Variants in COX10 observed in about 807,000 individuals in gnomAD.
The protein encoded by COX10 is cytochrome c oxidase assembly factor heme A:farnesyltransferase COX10.
A neutral mutation model predicts 37.3 loss-of-function variants in COX10; 27 were observed. The ratio of observed to expected loss-of-function variants is 0.72; its 90% CI spans 0.53 to 1.00. The LOEUF is 1.00. COX10 is among the 50% of genes least tolerant of loss of function. The pLI, the probability that COX10 is intolerant of heterozygous loss-of-function variation, is 0.00. For synonymous variants in COX10, 222 were observed against 229.1 expected (o/e 0.97, Z 0.28); for missense variants, 475 against 563.2 (o/e 0.84, Z 1.59).
At chr17:14,093,568 T>A (rs1283081076) in intron 3 of COX10, among the ~76,000 whole-genome samples, 3 of 152,230 alleles carry the variant, frequency 2.0e-5, no homozygotes, top group Non-Finnish European at 2.9e-5. Context: ...GGGGCCTGGC[T>A]AAATTTGTAC....
chr17:14,074,216 T>G, intron 1 of COX10, 107 bp from the exon 2 acceptor site: 2 of 1,175,840 alleles, frequency 1.7e-6, no homozygotes, highest in Admixed American at 1.7e-5. Context: ...CATCACACAG[T>G]GTAGCGCTTA....
intron 1 of COX10, among the ~76,000 whole-genome samples, chr17:14,073,083 G>A (rs1034628809): frequency 1.3e-5 from 2 of 152,184 alleles, no homozygotes; most frequent in African/African-American, 2.4e-5. Flanking sequence ...GGTCATGGGC[G>A]ATGTTGCTTT....
intron 5 of COX10, among the ~76,000 whole-genome samples, chr17:14,185,511 A>T (rs1373393639): frequency 6.6e-6 from 1 of 152,132 alleles, no homozygotes; most frequent in Admixed American, 6.5e-5. Flanking sequence ...TAAAAGATAG[A>T]TCTCTTGATT....
chr17:14,188,132 C>A (rs1906092623), intron 5 of COX10, among the ~76,000 whole-genome samples: 3 of 128,390 alleles, frequency 2.3e-5, no homozygotes, highest in Non-Finnish European at 4.8e-5. Context: ...GACACAAGGG[C>A]CAATTCAGGA....
intron 5 of COX10, among the ~76,000 whole-genome samples, chr17:14,166,667 G>A (rs376997424): frequency 8.9e-6 from 1 of 112,372 alleles, no homozygotes; most frequent in Non-Finnish European, 1.9e-5. Context: ...GCTGGAGTAC[G>A]GTGGTGCGAT....
intron 4 of COX10, among the ~76,000 whole-genome samples, chr17:14,113,077 A>T (rs186754011): frequency 9.2e-5 from 14 of 152,214 alleles, no homozygotes; most frequent in East Asian, 5.8e-4. Flanking sequence ...TCTTCTCAAG[A>T]CCCATCTCCT....
At chr17:14,135,690 T>A (rs2142222251) in intron 4 of COX10, among the ~76,000 whole-genome samples, 1 of 152,096 alleles carries the variant, frequency 6.6e-6, no homozygotes, top group East Asian at 1.9e-4. Context: ...CAAAAATAAA[T>A]TTTTATTCAA....
chr17:14,202,596 A>C (rs555789081), intron 6 of COX10, among the ~76,000 whole-genome samples: 1 of 152,170 alleles, frequency 6.6e-6, no homozygotes, highest in Non-Finnish European at 1.5e-5. Context: ...TAAAAGCCAC[A>C]GGCATTTCAA....
At chr17:14,168,582 G>A (rs1196985743) in intron 5 of COX10, among the ~76,000 whole-genome samples, 1 of 152,230 alleles carries the variant, frequency 6.6e-6, no homozygotes, top group East Asian at 1.9e-4. Flanking sequence ...TGAAATCTAG[G>A]CAGAGGCTCC....
chr17:14,105,454 C>T (rs932507409), intron 4 of COX10, among the ~76,000 whole-genome samples: 6 of 152,124 alleles, frequency 3.9e-5, no homozygotes, highest in African/African-American at 7.2e-5. Context: ...ATGATCTTAA[C>T]AAAATAATTA....
intron 3 of COX10, among the ~76,000 whole-genome samples, chr17:14,084,753 C>T (rs546678892): frequency 4.9e-4 from 75 of 152,214 alleles, no homozygotes; most frequent in African/African-American, 1.5e-3. Flanking sequence ...CTCCGCCTCC[C>T]GGGTTCAAGC....
At chr17:14,076,644 TA>T in intron 2 of COX10, 90 bp from the exon 3 acceptor site, 1 of 1,217,720 alleles carries the variant, frequency 8.2e-7, no homozygotes, top group Non-Finnish European at 1.2e-6. Context: ...TCAAATAATG[TA>T]AAAGCTGGTC....
chr17:14,102,930 C>T (rs886233240), intron 4 of COX10, among the ~76,000 whole-genome samples: 1 of 152,084 alleles, frequency 6.6e-6, no homozygotes, highest in African/African-American at 2.4e-5. Context: ...GGAGTTGGCT[C>T]AGTTTTAAAA....
At chr17:14,151,515 A>T (rs1317010304) in intron 4 of COX10, among the ~76,000 whole-genome samples, 1 of 137,836 alleles carries the variant, frequency 7.3e-6, no homozygotes, top group Non-Finnish European at 1.5e-5. Flanking sequence ...ATGCATTAGA[A>T]TTCCTGAACT....
chr17:14,102,076 TC>T, intron 3 of COX10, 41 bp from the exon 4 acceptor site: 1 of 1,613,286 alleles, frequency 6.2e-7, no homozygotes, highest in Non-Finnish European at 8.5e-7. Flanking sequence ...CAGTTGGGAC[TC>T]CTGTTGGTAA....
rs1597551986 is a variant in COX10 at position 14,206,866 on chromosome 17, C to T, written c.985C>T (p.Leu329=). Residue 329 remains leucine (L), a synonymous_variant, in exon 7 of 7, where the codon CTG becomes TTG. Coordinates refer to ENST00000261643, the MANE Select transcript of COX10 (RefSeq NM_001303.4). ...YSWQFPHFNA[L]SWGLREDYSR... is the part of the protein sequence containing the mutation. ...CTGGCAGTTTCCTCATTTCAACGCC[C>T]TGAGCTGGGGCCTCCGTGAAGACTA... 2 of 1,614,134 alleles carry T rather than the reference C, an allele frequency of 1.2e-6. No individual in the cohort carries two copies. Among genetic ancestry groups the T allele is most frequent in the Non-Finnish European group, 1.7e-6 (2 of 1,180,018 alleles).
chr17:14,168,469 A>G (rs1260913530), intron 5 of COX10, among the ~76,000 whole-genome samples: 3 of 152,136 alleles, frequency 2.0e-5, no homozygotes, highest in Non-Finnish European at 4.4e-5. Flanking sequence ...GGGACTCTAT[A>G]TGGGGGCTCC....
At chr17:14,094,134 C>T (rs1050375575) in intron 3 of COX10, among the ~76,000 whole-genome samples, 3 of 152,144 alleles carry the variant, frequency 2.0e-5, no homozygotes, top group African/African-American at 7.2e-5. Flanking sequence ...ATTTTACTAC[C>T]AGTAATTTGC....
chr17:14,167,489 T>C (rs527542688), intron 5 of COX10, among the ~76,000 whole-genome samples: 3 of 152,350 alleles, frequency 2.0e-5, no homozygotes, highest in Admixed American at 1.3e-4. Context: ...AAATCTTTCA[T>C]GAAATGGAGA....
Sources: gnomAD v4.1 joint callset for allele counts (sites outside exome capture counted in the v4.1 genomes callset) on GRCh38, gnomAD v4.1.1 for gene constraint, MANE v1.5 for transcripts, NCBI Gene and HGNC (gene_info 2026-07-23, HGNC 2026-07-21) for gene names.